Variants in RBFOX1 observed in about 807,000 individuals in gnomAD.
RBFOX1 encodes RNA binding fox-1 homolog 1.
In RBFOX1, 8 loss-of-function variants were observed where a neutral mutation model predicts 57.7. The ratio of observed to expected loss-of-function variants is 0.14; its 90% CI spans 0.08 to 0.25. The LOEUF (loss-of-function observed/expected upper bound fraction) is 0.25, where lower values mean the gene tolerates loss of function less well. Among genes scored for constraint, RBFOX1 ranks in the 10% least tolerant of loss-of-function variants. The pLI, the probability that RBFOX1 is intolerant of heterozygous loss-of-function variation, is 1.00. For synonymous variants in RBFOX1, 326 were observed against 222.4 expected (o/e 1.47, Z -4.15); for missense variants, 611 against 548.5 (o/e 1.11, Z -1.14).
chr16:6,110,801 G>A (rs1446763792), intron 1 of RBFOX1, among the ~76,000 whole-genome samples: 1 of 152,154 alleles, frequency 6.6e-6, no homozygotes, highest in Admixed American at 6.5e-5. Flanking sequence ...AACCAGGGAG[G>A]CAGTGCTGCT....
At position 6,627,098 on chromosome 16, in the gene RBFOX1, G is replaced by C. The variant is rs1005595240; in HGVS notation, c.-63-27505G>C. On this transcript the variant is annotated intron_variant, in intron 2 of 15. Coordinates refer to ENST00000550418, the MANE Select transcript of RBFOX1 (RefSeq NM_018723.4). ...TCTGGCTCTAAAATCCATGGCCGCT[G>C]AACACAAAGTCCTATTGTGCCTCCC... Among the ~76,000 whole-genome samples, 6 of 152,206 alleles carry C rather than the reference G, an allele frequency of 3.9e-5. No homozygotes were observed. In the East Asian group the frequency reaches 9.6e-4, roughly 24 times the overall value.
At chr16:7,276,759 A>T (rs1251592186) in intron 4 of RBFOX1, among the ~76,000 whole-genome samples, 1 of 152,184 alleles carries the variant, frequency 6.6e-6, no homozygotes, top group Admixed American at 6.5e-5. Flanking sequence ...GTTAAGACTG[A>T]TTACAAATCC....
chr16:6,970,675 C>T (rs1287169576), intron 3 of RBFOX1, among the ~76,000 whole-genome samples: 6 of 152,166 alleles, frequency 3.9e-5, no homozygotes, highest in Admixed American at 3.9e-4. Context: ...GACGTAATCA[C>T]CTTCTAAAAA....
chr16:5,985,962 C>T (rs2060277666), intron 4 of RBFOX1, among the ~76,000 whole-genome samples: 1 of 152,280 alleles, frequency 6.6e-6, no homozygotes. Context: ...TAGTATCCAC[C>T]CGTATACCAT....
chr16:5,490,707 T>C (rs1360744499), intron 2 of RBFOX1, among the ~76,000 whole-genome samples: 1 of 152,176 alleles, frequency 6.6e-6, no homozygotes, highest in Non-Finnish European at 1.5e-5. Flanking sequence ...GCCAGGCGGA[T>C]TCCCGTGGAC....
chr16:5,526,652 A>C (rs2044258793), intron 2 of RBFOX1, among the ~76,000 whole-genome samples: 1 of 152,148 alleles, frequency 6.6e-6, no homozygotes, highest in African/African-American at 2.4e-5. Context: ...CAAGCAATGA[A>C]ACAGGCTGGC....
At position 6,450,288 on chromosome 16, in the gene RBFOX1, C is replaced by G. The variant is rs574627963; in HGVS notation, c.-64+133231C>G. Among the ~76,000 whole-genome samples the G allele has an allele frequency of 5.2e-4, 79 of 152,232 alleles. 1 individual carries two copies. Among genetic ancestry groups the G allele is most frequent in the African/African-American group, 1.9e-3 (78 of 41,558 alleles). Reference sequence around the variant, plus strand: ...AGCTCCCACATCACGAGTTGTGAAGCTCCCGATAAAGAGAGTGGGTTAGTC... The same window carrying G: ...AGCTCCCACATCACGAGTTGTGAAGGTCCCGATAAAGAGAGTGGGTTAGTC... On this transcript the variant is annotated intron_variant, in intron 2 of 15. Coordinates refer to ENST00000550418, the MANE Select transcript of RBFOX1 (RefSeq NM_018723.4).
At chr16:6,398,866 C>T (rs1424842733) in intron 2 of RBFOX1, among the ~76,000 whole-genome samples, 2 of 152,214 alleles carry the variant, frequency 1.3e-5, no homozygotes, top group South Asian at 2.1e-4. Flanking sequence ...CTTCACTAGG[C>T]GGTGCTCCAG....
At position 7,319,570 on chromosome 16, in the gene RBFOX1, T is replaced by A. The variant is rs1238304050; in HGVS notation, c.28-198577T>A. ...GTGGGATTTCTCTGGAAGGATATTTTGGAATTCTTGTTCACCACCCACCAT... is the reference window on the plus strand; with the variant it reads ...GTGGGATTTCTCTGGAAGGATATTTAGGAATTCTTGTTCACCACCCACCAT... On this transcript the variant is annotated intron_variant, in intron 4 of 15. Transcript: ENST00000550418. Among the ~76,000 whole-genome samples, 3 of 152,162 alleles carry A rather than the reference T, an allele frequency of 2.0e-5. No individual in the cohort carries two copies. The East Asian group carries it at 5.8e-4, about 29-fold the overall frequency.
At chr16:5,329,112 T>C (rs2064671581) in intron 1 of RBFOX1, among the ~76,000 whole-genome samples, 1 of 152,252 alleles carries the variant, frequency 6.6e-6, no homozygotes, top group Non-Finnish European at 1.5e-5. Flanking sequence ...TTTCCGTTAT[T>C]ATTTCCATTT....
chr16:6,928,032 G>A (rs1353440935), intron 3 of RBFOX1, among the ~76,000 whole-genome samples: 1 of 152,094 alleles, frequency 6.6e-6, no homozygotes, highest in African/African-American at 2.4e-5. Context: ...CACCCCTCTA[G>A]ATTTATAATT....
chr16:7,054,917 G>A (rs2051593054), intron 4 of RBFOX1, among the ~76,000 whole-genome samples: 1 of 152,166 alleles, frequency 6.6e-6, no homozygotes, highest in East Asian at 1.9e-4. Flanking sequence ...AGATGATTTA[G>A]AAAGATAAAG....
intron 4 of RBFOX1, among the ~76,000 whole-genome samples, chr16:7,053,137 G>T (rs1007352602): frequency 1.3e-5 from 2 of 152,168 alleles, no homozygotes; most frequent in Non-Finnish European, 2.9e-5. Context: ...TTGTAGAGTT[G>T]CTTCCATTTC....
At chr16:5,755,836 G>C (rs1337605886) in intron 3 of RBFOX1, among the ~76,000 whole-genome samples, 4 of 152,128 alleles carry the variant, frequency 2.6e-5, no homozygotes, top group African/African-American at 7.2e-5. Flanking sequence ...GACCTCAGGT[G>C]ATCCGCCTGC....
At chr16:7,093,880 C>A (rs954316357) in intron 4 of RBFOX1, among the ~76,000 whole-genome samples, 2 of 151,826 alleles carry the variant, frequency 1.3e-5, no homozygotes, top group Admixed American at 6.6e-5. Context: ...AATAATGACA[C>A]AAAACTCATT....
intron 4 of RBFOX1, among the ~76,000 whole-genome samples, chr16:7,245,025 C>T (rs1312929063): frequency 2.0e-5 from 3 of 152,170 alleles, no homozygotes; most frequent in Non-Finnish European, 4.4e-5. Flanking sequence ...ATACCATTTT[C>T]ATGAATTAGA....
At chr16:7,524,907 G>A (rs1276912561) in intron 5 of RBFOX1, among the ~76,000 whole-genome samples, 1 of 152,192 alleles carries the variant, frequency 6.6e-6, no homozygotes, top group East Asian at 1.9e-4. Flanking sequence ...TGACTAACTA[G>A]CTATTATTAT....
chr16:7,489,431 A>G (rs72773033), intron 4 of RBFOX1, among the ~76,000 whole-genome samples: 42,065 of 152,066 alleles, frequency 0.28, 6,455 homozygotes, highest in South Asian at 0.44. Context: ...TTAATCTTCA[A>G]AATAGTCTTA....
intron 3 of RBFOX1, among the ~76,000 whole-genome samples, chr16:6,851,926 G>GTTTTTTTTTTTTTTTTTT (rs71147610): frequency 7.0e-6 from 1 of 143,592 alleles, no homozygotes. Context: ...TTTCCATTGG[G>GTTTTTTTTTTTTTTTTTT]TTTTTTTTTT....
Sources: allele counts gnomAD v4.1 joint callset (sites outside exome capture counted in the v4.1 genomes callset), GRCh38; gene constraint gnomAD v4.1.1; transcripts MANE v1.5; gene names NCBI Gene and HGNC (gene_info 2026-07-23, HGNC 2026-07-21).